The following NOX4 variants were observed in gnomAD, a reference collection of about 807,000 sequenced individuals.
NOX4 encodes kidney oxidase-1.
Under a neutral mutation model 87.6 loss-of-function variants are expected in NOX4, and 69 were observed. The ratio of observed to expected loss-of-function variants is 0.79; its 90% CI spans 0.65 to 0.96. The LOEUF is 0.96. NOX4 is among the 40% of genes least tolerant of loss of function. NOX4 has a pLI of 0.00. For synonymous variants in NOX4, 275 were observed against 238.2 expected, an observed-to-expected ratio of 1.15 and a Z score of -1.42; for missense variants, 680 against 681.5, an observed-to-expected ratio of 1.00 and a Z score of 0.02.
At chr11:89,588,239 T>C in the NOX4 span, among the ~76,000 whole-genome samples, 1 of 152,334 alleles carries the variant, frequency 6.6e-6, no homozygotes, top group South Asian at 2.1e-4. Context: ...GCAAAGAACA[T>C]GTAATGCCAA....
chr11:89,508,533 G>C, the NOX4 span, among the ~76,000 whole-genome samples: 4 of 152,022 alleles, frequency 2.6e-5, no homozygotes, highest in African/African-American at 9.7e-5. Flanking sequence ...TAAGCAATGA[G>C]ATAGAACATA....
the NOX4 span, among the ~76,000 whole-genome samples, chr11:89,547,155 A>G: frequency 1.4e-4 from 21 of 152,150 alleles, no homozygotes; most frequent in African/African-American, 5.1e-4. Context: ...AATGACCCCT[A>G]CTACTGACTA....
intron 11 of NOX4, among the ~76,000 whole-genome samples, chr11:89,394,295 A>G (rs1941327839): frequency 6.6e-6 from 1 of 152,098 alleles, no homozygotes; most frequent in Non-Finnish European, 1.5e-5. Context: ...TTTTATGAAT[A>G]CAAGGATTCA....
intron 2 of NOX4, chr11:89,488,830 A>T: frequency 1.9e-6 from 1 of 527,456 alleles, no homozygotes. Flanking sequence ...AAAACCAAAA[A>T]GTTATCAGAC....
At chr11:89,513,767 T>C in the NOX4 span, among the ~76,000 whole-genome samples, 1 of 152,048 alleles carries the variant, frequency 6.6e-6, no homozygotes, top group Non-Finnish European at 1.5e-5. Context: ...AGAATACAAG[T>C]TTGAGATGGA....
intron 4 of NOX4, 45 bp from the exon 5 acceptor site, chr11:89,444,277 G>T: frequency 6.6e-7 from 1 of 1,512,246 alleles, no homozygotes; most frequent in Non-Finnish European, 9.2e-7. Context: ...TTGCATATAT[G>T]CTCTATGTCA....
the NOX4 span, among the ~76,000 whole-genome samples, chr11:89,565,237 G>T: frequency 6.6e-6 from 1 of 151,666 alleles, no homozygotes; most frequent in Non-Finnish European, 1.5e-5. Context: ...ATTCTTGCAG[G>T]ACTATTTTTT....
intron 8 of NOX4, among the ~76,000 whole-genome samples, chr11:89,418,816 C>G (rs891219871): frequency 6.6e-6 from 1 of 151,910 alleles, no homozygotes; most frequent in South Asian, 2.1e-4. Flanking sequence ...GAGGCTTGAT[C>G]AAGATATCTT....
the NOX4 span, among the ~76,000 whole-genome samples, chr11:89,528,515 G>C: frequency 6.6e-6 from 1 of 152,258 alleles, no homozygotes; most frequent in African/African-American, 2.4e-5. Context: ...AGACTAGGTG[G>C]AGGTAATTGA....
chr11:89,556,292 G>T, the NOX4 span, among the ~76,000 whole-genome samples: 4 of 152,084 alleles, frequency 2.6e-5, no homozygotes, highest in African/African-American at 9.7e-5. Context: ...CTAGCACAAG[G>T]CGAGTGGATT....
chr11:89,571,589 C>A, the NOX4 span, among the ~76,000 whole-genome samples: 5 of 152,206 alleles, frequency 3.3e-5, no homozygotes, highest in East Asian at 9.7e-4. Flanking sequence ...GCTACCGCAC[C>A]CAGGCTATAC....
upstream of NOX4, among the ~76,000 whole-genome samples, chr11:89,502,204 A>T (rs982900678): frequency 5.9e-5 from 9 of 151,940 alleles, no homozygotes; most frequent in African/African-American, 2.2e-4. Flanking sequence ...ACAGACTGAT[A>T]CCTATCCATT....
intron 7 of NOX4, among the ~76,000 whole-genome samples, chr11:89,432,523 C>T (rs1419273764): frequency 2.0e-5 from 3 of 152,136 alleles, no homozygotes; most frequent in East Asian, 1.9e-4. Context: ...TCAAAAGATA[C>T]TCAAATTCTG....
At chr11:89,570,410 T>C in the NOX4 span, among the ~76,000 whole-genome samples, 398 of 152,324 alleles carry the variant, frequency 2.6e-3, 4 homozygotes, top group South Asian at 0.013. Context: ...GTTTATTACC[T>C]GGGTGATGAA....
intron 12 of NOX4, among the ~76,000 whole-genome samples, chr11:89,368,953 T>C (rs1003261477): frequency 6.6e-6 from 1 of 152,148 alleles, no homozygotes; most frequent in Non-Finnish European, 1.5e-5. Context: ...TTTATAGATA[T>C]AAAATACTCT....
the NOX4 span, among the ~76,000 whole-genome samples, chr11:89,562,007 G>A: frequency 6.6e-6 from 1 of 152,174 alleles, no homozygotes; most frequent in Non-Finnish European, 1.5e-5. Flanking sequence ...AATGCTGTGA[G>A]CTGAGGCAAT....
chr11:89,522,130 A>G, the NOX4 span, among the ~76,000 whole-genome samples: 1 of 152,222 alleles, frequency 6.6e-6, no homozygotes. Context: ...TTTCACAAAG[A>G]ACTTAGGACA....
At chr11:89,400,460 AC>A (rs1328471719) in intron 9 of NOX4, 81 bp from the exon 10 acceptor site, 2 of 874,288 alleles carry the variant, frequency 2.3e-6, no homozygotes, top group African/African-American at 3.5e-5. Flanking sequence ...CTTATTGCAT[AC>A]ATTACAGTAA....
chr11:89,341,960 C>G (rs1946021733), intron 14 of NOX4, 114 bp downstream of exon 14: 1 of 958,604 alleles, frequency 1.0e-6, no homozygotes, highest in South Asian at 1.8e-5. Context: ...AATGGAGGTC[C>G]TTGATCAACA....
Sources: gnomAD v4.1 joint callset for allele counts (sites outside exome capture counted in the v4.1 genomes callset) on GRCh38, gnomAD v4.1.1 for gene constraint, MANE v1.5 for transcripts, NCBI Gene and HGNC (gene_info 2026-07-23, HGNC 2026-07-21) for gene names.